UNC5C: variants seen among roughly 807,000 people sequenced by gnomAD.
UNC5C encodes the protein unc-5 netrin receptor C, also known as netrin receptor UNC5C.
In UNC5C, 47 loss-of-function variants were observed where a neutral mutation model predicts 99.8. The observed-to-expected ratio is 0.47, with a 90% CI of 0.37 to 0.60. The LOEUF (loss-of-function observed/expected upper bound fraction) is 0.60. Ranked by LOEUF, UNC5C falls within the 20% of genes least tolerant of loss-of-function variation. The pLI is 0.00. For missense variants in UNC5C, 1,062 were observed against 1,165.9 expected, an observed-to-expected ratio of 0.91 and a Z score of 1.30; for synonymous variants, 487 against 452.2, an observed-to-expected ratio of 1.08 and a Z score of -0.98.
intron 1 of UNC5C, among the ~76,000 whole-genome samples, chr4:95,457,497 A>G (rs1296703319): frequency 6.6e-6 from 1 of 152,128 alleles, no homozygotes; most frequent in East Asian, 1.9e-4. Context: ...GAAAAGCACA[A>G]GAGATTCTAC....
chr4:95,475,031 T>G (rs1748099057), intron 1 of UNC5C, among the ~76,000 whole-genome samples: 1 of 152,110 alleles, frequency 6.6e-6, no homozygotes, highest in African/African-American at 2.4e-5. Flanking sequence ...TTGCACCACT[T>G]CATCCCAGAG....
intron 4 of UNC5C, among the ~76,000 whole-genome samples, chr4:95,260,105 G>T (rs1740165220): frequency 6.6e-6 from 1 of 152,140 alleles, no homozygotes; most frequent in South Asian, 2.1e-4. Flanking sequence ...CCCAAAAAGG[G>T]ACTGTCCCCC....
chr4:95,276,329 TG>T (rs1443200892), intron 4 of UNC5C, among the ~76,000 whole-genome samples: 1 of 152,170 alleles, frequency 6.6e-6, no homozygotes, highest in African/African-American at 2.4e-5. Context: ...GAATGTCAAA[TG>T]GGTATATGAT....
chr4:95,443,668 T>A (rs192798522), intron 1 of UNC5C, among the ~76,000 whole-genome samples: 51 of 152,306 alleles, frequency 3.3e-4, no homozygotes, highest in Non-Finnish European at 5.4e-4. Context: ...GTTTGTGCTT[T>A]TTTTATAGAT....
At chr4:95,475,677 GT>G (rs1748123437) in intron 1 of UNC5C, among the ~76,000 whole-genome samples, 1 of 152,048 alleles carries the variant, frequency 6.6e-6, no homozygotes, top group African/African-American at 2.4e-5. Context: ...ACAAAAAAGG[GT>G]TTTAAAAATA....
chr4:95,171,897 C>T (rs1416479146), intron 14 of UNC5C, among the ~76,000 whole-genome samples: 1 of 151,936 alleles, frequency 6.6e-6, no homozygotes, highest in Non-Finnish European at 1.5e-5. Flanking sequence ...CTCTCTAGCA[C>T]CTGTCGTTTC....
chr4:95,185,089 G>C lies in UNC5C; in HGVS notation c.2244C>G (p.Ile748Met), dbSNP rs143643587. ...THNLRLSIHD[I>M]AHSLWKSKLL... The stretch of plus-strand genomic sequence containing the variant: ...ATTTGCTCTTCCAGAGGGAATGGGC[G>C]ATATCGTGAATTGACAGGCGCAGGT... The change falls in exon 13 of 16, where the codon ATC (isoleucine) becomes ATG (methionine). Residue 748 changes from isoleucine to methionine, a missense_variant. Physicochemically the swap from Ile to Met is conservative, Grantham distance 10. This residue lies in a region of UNC5C where 810 missense variants were observed against 854.5 expected (regional missense o/e 0.95). Coordinates refer to ENST00000453304, the MANE Select transcript of UNC5C (RefSeq NM_003728.4). 6.2e-7 allele frequency: 1 copy of C among 1,613,832 alleles called. No individual in the cohort carries two copies. The highest frequency in any genetic ancestry group is 8.5e-7 in the Non-Finnish European group (1 of 1,179,956).
At chr4:95,544,245 A>G (rs1723001723) in intron 1 of UNC5C, among the ~76,000 whole-genome samples, 1 of 152,166 alleles carries the variant, frequency 6.6e-6, no homozygotes, top group Non-Finnish European at 1.5e-5. Context: ...ATTGGTAATC[A>G]CTATGTTAAC....
chr4:95,422,065 C>T (rs1746335374), intron 1 of UNC5C, among the ~76,000 whole-genome samples: 1 of 152,086 alleles, frequency 6.6e-6, no homozygotes, highest in Non-Finnish European at 1.5e-5. Context: ...CAACATGAAA[C>T]AAAAAAGAGA....
At position 95,183,079 on chromosome 4, in the gene UNC5C, G is replaced by A; in HGVS notation, c.2287-18C>T. 2 of 1,589,748 alleles carry A rather than the reference G, an allele frequency of 1.3e-6. No individual in the cohort carries two copies. The highest frequency in any genetic ancestry group is 1.7e-6 in the Non-Finnish European group (2 of 1,161,104). ...GGAATTTCCTAAAGGATATGAAAGT[G>A]TTAACCACAATTGAAGGACTAATAC... On this transcript the variant is annotated intron_variant, in intron 13 of 15. Coordinates refer to ENST00000453304, the MANE Select transcript of UNC5C (RefSeq NM_003728.4).
intron 7 of UNC5C, among the ~76,000 whole-genome samples, chr4:95,234,194 A>T (rs759276810): frequency 2.0e-5 from 3 of 152,240 alleles, no homozygotes; most frequent in Non-Finnish European, 4.4e-5. Context: ...CTGCTTTCAC[A>T]TCAGTTTAGG....
chr4:95,194,690 A>T (rs1409346237), intron 12 of UNC5C, among the ~76,000 whole-genome samples: 7 of 152,130 alleles, frequency 4.6e-5, no homozygotes, highest in Admixed American at 4.6e-4. Flanking sequence ...ATTAGACTGG[A>T]CTCACCCAGA....
At chr4:95,292,194 TACACATATATATACATATATATAC>T (rs1384753638) in intron 3 of UNC5C, among the ~76,000 whole-genome samples, 1 of 145,488 alleles carries the variant, frequency 6.9e-6, no homozygotes, top group African/African-American at 2.5e-5. Context: ...CATATATATA[TACACATATATATACATATATATAC>T]ACACACACAC....
chr4:95,425,601 G>T (rs902101849), intron 1 of UNC5C, among the ~76,000 whole-genome samples: 1 of 152,316 alleles, frequency 6.6e-6, no homozygotes, highest in South Asian at 2.1e-4. Context: ...GAGCCACCGC[G>T]CCCGGCCTTG....
At chr4:95,490,027 C>T (rs974643933) in intron 1 of UNC5C, among the ~76,000 whole-genome samples, 9 of 143,762 alleles carry the variant, frequency 6.3e-5, no homozygotes, top group African/African-American at 1.7e-4. Flanking sequence ...TACATGTGTA[C>T]ACAGAGAAGA....
At chr4:95,320,463 A>G (rs918491197) in intron 2 of UNC5C, among the ~76,000 whole-genome samples, 1 of 151,924 alleles carries the variant, frequency 6.6e-6, no homozygotes, top group Non-Finnish European at 1.5e-5. Flanking sequence ...AGAAAGTAAA[A>G]GAGACTCTTC....
intron 7 of UNC5C, among the ~76,000 whole-genome samples, chr4:95,236,684 A>G (rs1331796696): frequency 1.3e-5 from 2 of 152,148 alleles, no homozygotes; most frequent in Non-Finnish European, 2.9e-5. Flanking sequence ...CATAAGTTTC[A>G]TTCATCTTTT....
intron 1 of UNC5C, among the ~76,000 whole-genome samples, chr4:95,409,391 A>G (rs1379114531): frequency 6.6e-6 from 1 of 152,198 alleles, no homozygotes; most frequent in Non-Finnish European, 1.5e-5. Flanking sequence ...ATAAGGTTAA[A>G]ATGTCCACAT....
chr4:95,276,752 T>G (rs1740876474), intron 4 of UNC5C, among the ~76,000 whole-genome samples: 1 of 152,220 alleles, frequency 6.6e-6, no homozygotes, highest in Admixed American at 6.5e-5. Flanking sequence ...TGCTGCGAGA[T>G]AAGGTTTTGA....
Sources: allele counts gnomAD v4.1 joint callset (sites outside exome capture counted in the v4.1 genomes callset), GRCh38; gene constraint gnomAD v4.1.1; regional missense constraint gnomAD v4.1.1; transcripts MANE v1.5; gene names NCBI Gene and HGNC (gene_info 2026-07-23, HGNC 2026-07-21).